The following SIRPG variants were observed in gnomAD, a reference collection of about 807,000 sequenced individuals.
SIRPG encodes the protein signal regulatory protein gamma.
SIRPG carries 38 observed loss-of-function variants against 35.7 expected under a neutral mutation model. That is an observed-to-expected ratio of 1.06 (90% confidence interval 0.82 to 1.40). The LOEUF is 1.40. SIRPG is among the 40% of genes most tolerant of loss of function. SIRPG has a pLI of 0.00. For missense variants in SIRPG, 519 were observed against 483.0 expected, an observed-to-expected ratio of 1.07 and a Z score of -0.70; for synonymous variants, 215 against 190.4, an observed-to-expected ratio of 1.13 and a Z score of -1.06.
chr20:1,660,701 A>T (rs1044583462), upstream of SIRPG, among the ~76,000 whole-genome samples: 1 of 152,186 alleles, frequency 6.6e-6, no homozygotes, highest in African/African-American at 2.4e-5. Flanking sequence ...GTTTGAGAGG[A>T]CCAGGAACCT....
chr20:1,665,060 G>A, the SIRPG span, among the ~76,000 whole-genome samples: 1 of 152,154 alleles, frequency 6.6e-6, no homozygotes, highest in African/African-American at 2.4e-5. Context: ...GGACACCTTT[G>A]AACAGCCTTG....
chr20:1,630,607 A>G (rs1350601338), intron 4 of SIRPG: 5 of 324,126 alleles, frequency 1.5e-5, no homozygotes, highest in African/African-American at 1.1e-4. Context: ...TCACAAGCCT[A>G]TGGGAGCAGG....
chr20:1,662,055 C>T (rs370906751), upstream of SIRPG, among the ~76,000 whole-genome samples: 8 of 152,288 alleles, frequency 5.3e-5, no homozygotes, highest in East Asian at 1.2e-3. Context: ...GCAAAAAGTC[C>T]CTTAAGTCAA....
intron 2 of SIRPG, among the ~76,000 whole-genome samples, chr20:1,643,100 ATT>A (rs1186338304): frequency 6.6e-6 from 1 of 151,964 alleles, no homozygotes; most frequent in African/African-American, 2.4e-5. Context: ...TATTTCCTGA[ATT>A]TCAATGTTAT....
At chr20:1,668,744 A>G in the SIRPG span, among the ~76,000 whole-genome samples, 2 of 152,250 alleles carry the variant, frequency 1.3e-5, no homozygotes, top group Admixed American at 6.5e-5. Context: ...TAACTGTGAT[A>G]ACAATATTGA....
chr20:1,661,579 A>T (rs1289685387), upstream of SIRPG, among the ~76,000 whole-genome samples: 1 of 152,146 alleles, frequency 6.6e-6, no homozygotes, highest in Non-Finnish European at 1.5e-5. Context: ...GGAGACAGGG[A>T]TGGACATTGC....
chr20:1,657,547 C>T (rs2091982644), intron 1 of SIRPG, 95 bp downstream of exon 1: 2 of 1,206,606 alleles, frequency 1.7e-6, no homozygotes, highest in African/African-American at 3.0e-5. Context: ...CCTTCCTTGG[C>T]AGTGCTTGTG....
At chr20:1,653,238 A>C (rs138423758) in intron 1 of SIRPG, among the ~76,000 whole-genome samples, 1 of 152,314 alleles carries the variant, frequency 6.6e-6, no homozygotes, top group Non-Finnish European at 1.5e-5. Flanking sequence ...CCTGAGTTCA[A>C]ATCGTAGCTC....
At chr20:1,647,670 T>C (rs1268199490) in intron 2 of SIRPG, 1 of 152,202 alleles carries the variant, frequency 6.6e-6, no homozygotes, top group Non-Finnish European at 1.5e-5. Context: ...TGCTGTGAAA[T>C]AAATTTTGAT....
intron 2 of SIRPG, among the ~76,000 whole-genome samples, chr20:1,639,092 T>C (rs2091829216): frequency 6.6e-6 from 1 of 152,224 alleles, no homozygotes; most frequent in South Asian, 2.1e-4. Context: ...CATGTGCATG[T>C]GTCCTCATAG....
intron 4 of SIRPG, chr20:1,630,695 C>T (rs2091742938): frequency 9.6e-6 from 2 of 208,222 alleles, no homozygotes; most frequent in South Asian, 7.4e-5. Flanking sequence ...GCATTCAAAC[C>T]TAAAGAAGCT....
At chr20:1,673,091 C>A in the SIRPG span, among the ~76,000 whole-genome samples, 1 of 152,186 alleles carries the variant, frequency 6.6e-6, no homozygotes, top group Non-Finnish European at 1.5e-5. Context: ...CACCAGGAAG[C>A]ATATATCACA....
the SIRPG span, among the ~76,000 whole-genome samples, chr20:1,663,568 G>A: frequency 6.6e-6 from 1 of 152,200 alleles, no homozygotes; most frequent in Non-Finnish European, 1.5e-5. Context: ...GGCTACATTG[G>A]GAGTATTTAC....
the SIRPG span, chr20:1,665,384 T>C: frequency 6.3e-6 from 1 of 157,864 alleles, no homozygotes; most frequent in South Asian, 1.7e-4. Context: ...CAGTAGGAGC[T>C]GGCATGAGCC....
chr20:1,679,592 TG>T, the SIRPG span, among the ~76,000 whole-genome samples: 3 of 152,110 alleles, frequency 2.0e-5, no homozygotes, highest in Non-Finnish European at 4.4e-5. Context: ...CTACCTGGCA[TG>T]CCATACCCCA....
At chr20:1,662,337 T>C (rs1282395974), upstream of SIRPG, among the ~76,000 whole-genome samples, 1 of 152,180 alleles carries the variant, frequency 6.6e-6, no homozygotes, top group Non-Finnish European at 1.5e-5. Flanking sequence ...TCCCACACTT[T>C]TGTGAGTTTT....
At position 1,635,544 on chromosome 20, in the gene SIRPG, G is replaced by T; in HGVS notation, c.804C>A (p.Asn268Lys). The T allele has an allele frequency of 6.2e-7, 1 of 1,614,130 alleles. No individual in the cohort carries two copies. Among genetic ancestry groups the T allele is most frequent in the Admixed American group, 1.7e-5 (1 of 60,022 alleles). ...AGAACTTCCTCACCTGGCAGGTGAC[G>T]TTTACCTGGTTCCCCACCCTCATGG... The part of the protein sequence containing the change: ...QQPMRVGNQV[N>K]VTCQVRKFYP... The change falls in exon 4 of 6, where the codon AAC becomes AAA. Residue 268 changes from asparagine (N) to lysine (K), a missense_variant. Transcript: ENST00000303415.
At chr20:1,652,102 C>T (rs1568738095) in intron 1 of SIRPG, among the ~76,000 whole-genome samples, 4 of 152,158 alleles carry the variant, frequency 2.6e-5, no homozygotes, top group Non-Finnish European at 4.4e-5. Flanking sequence ...ATTTCTAGAC[C>T]ACTCCTGATG....
chr20:1,632,557 A>G (rs978593950), intron 4 of SIRPG, among the ~76,000 whole-genome samples: 1 of 152,162 alleles, frequency 6.6e-6, no homozygotes, highest in African/African-American at 2.4e-5. Flanking sequence ...GTGGATGAAT[A>G]ACTGAAAAGC....
Sources: gnomAD v4.1 joint callset for allele counts (sites outside exome capture counted in the v4.1 genomes callset) on GRCh38, gnomAD v4.1.1 for gene constraint, MANE v1.5 for transcripts, NCBI Gene and HGNC (gene_info 2026-07-23, HGNC 2026-07-21) for gene names.